The following WFDC1 variants were observed in gnomAD, a reference collection of about 807,000 sequenced individuals.
The protein encoded by WFDC1 is WAP four-disulfide core domain protein 1.
A neutral mutation model predicts 32.9 loss-of-function variants in WFDC1; 39 were observed. The observed-to-expected ratio is 1.19, with a 90% CI of 0.92 to 1.55. The LOEUF (loss-of-function observed/expected upper bound fraction) is 1.55. WFDC1 is among the 40% of genes most tolerant of loss of function. WFDC1 has a pLI of 0.00. For missense variants in WFDC1, 386 were observed against 309.5 expected, an observed-to-expected ratio of 1.25 and a Z score of -1.85; for synonymous variants, 184 against 137.4, an observed-to-expected ratio of 1.34 and a Z score of -2.37.
chr16:84,297,511 G>A (rs554201313), intron 1 of WFDC1, among the ~76,000 whole-genome samples: 76 of 150,264 alleles, frequency 5.1e-4, no homozygotes, highest in Non-Finnish European at 9.9e-4. Flanking sequence ...CAGCTACTCA[G>A]AAGGCTGAGG....
chr16:84,319,349 G>A (rs113682927), intron 3 of WFDC1, 82 bp from the exon 4 acceptor site: 45 of 1,550,798 alleles, frequency 2.9e-5, no homozygotes, highest in African/African-American at 5.4e-5. Flanking sequence ...CACCCGTCCC[G>A]GGAGTCTGCC....
intron 1 of WFDC1, among the ~76,000 whole-genome samples, chr16:84,308,128 G>GC (rs901194387): frequency 2.7e-4 from 41 of 152,156 alleles, no homozygotes; most frequent in Admixed American, 5.9e-4. Context: ...GGGGCCAGGG[G>GC]CCCCCCTCCC....
chr16:84,296,777 T>G (rs1906622358), intron 1 of WFDC1: 1 of 152,190 alleles, frequency 6.6e-6, no homozygotes. Flanking sequence ...AGACCTTGAC[T>G]GGATCTTGGG....
chr16:84,300,000 C>G (rs190584114), intron 1 of WFDC1, among the ~76,000 whole-genome samples: 296 of 152,364 alleles, frequency 1.9e-3, no homozygotes, highest in African/African-American at 6.2e-3. Context: ...CCTCAGTTCC[C>G]CATCTCCTTT....
chr16:84,307,672 C>CGAAAAATAAGCTGGGCG (rs1567654543), intron 1 of WFDC1, among the ~76,000 whole-genome samples: 1 of 152,114 alleles, frequency 6.6e-6, no homozygotes, highest in Non-Finnish European at 1.5e-5. Flanking sequence ...GAGGCTTCAT[C>CGAAAAATAAGCTGGGCG]GAAAAATAAG....
rs780437975 is a variant in WFDC1, at chr16:84,319,577, T to C, written c.562+6T>C. The C allele has an allele frequency of 6.2e-7, 1 of 1,611,296 alleles. No individual in the cohort carries two copies. Among genetic ancestry groups the C allele is most frequent in the South Asian group, 1.1e-5 (1 of 91,030 alleles). Reference sequence around the variant, plus strand: ...CAAGCAGCGCCGGCAAGCAGGTGAGTGTGGCACCCCAGCCCTGATCCTGGC... The same window carrying C: ...CAAGCAGCGCCGGCAAGCAGGTGAGCGTGGCACCCCAGCCCTGATCCTGGC... On this transcript the variant is annotated splice_donor_region_variant and intron_variant, in intron 4 of 6. Transcript: ENST00000219454.
At chr16:84,322,917 T>A (rs750065376) in intron 4 of WFDC1, among the ~76,000 whole-genome samples, 4 of 152,208 alleles carry the variant, frequency 2.6e-5, no homozygotes, top group Non-Finnish European at 4.4e-5. Context: ...TTGTCTAGCC[T>A]TGAGTGGGAG....
At chr16:84,310,857 T>A (rs909396697) in intron 1 of WFDC1, among the ~76,000 whole-genome samples, 2 of 152,188 alleles carry the variant, frequency 1.3e-5, no homozygotes, top group Non-Finnish European at 2.9e-5. Context: ...CTATTCCAAT[T>A]TGCAGATATG....
At position 84,318,507 on chromosome 16, in the gene WFDC1, C is replaced by G. The variant is rs953053414; in HGVS notation, c.421+152C>G. ...CCCTCTTTGATCCTCCCCACCCCAG[C>G]GAAGAAGGGCTGATGGCTGGGGGCT... On this transcript the variant is annotated intron_variant, in intron 3 of 6. Transcript: ENST00000219454. 8.4e-6 allele frequency: 6 copies of G among 716,036 alleles called. No homozygotes were observed. The East Asian group carries it at 1.1e-4, about 13-fold the overall frequency. 44.4% of individuals were successfully genotyped at this position (716,036 alleles called of 1,614,324 possible). A position where few individuals can be genotyped will look rare whatever the true frequency, so the allele number is the denominator to read the frequency against.
chr16:84,307,870 G>A (rs1907357808), intron 1 of WFDC1, among the ~76,000 whole-genome samples: 1 of 152,178 alleles, frequency 6.6e-6, no homozygotes, highest in African/African-American at 2.4e-5. Flanking sequence ...TGCACCTGCT[G>A]CGGCTGGAAA....
chr16:84,300,860 C>G (rs1260147774), intron 1 of WFDC1, among the ~76,000 whole-genome samples: 1 of 152,092 alleles, frequency 6.6e-6, no homozygotes, highest in East Asian at 1.9e-4. Context: ...ATCACAGCTA[C>G]TCAGGAGGCT....
intron 1 of WFDC1, chr16:84,295,370 C>A: frequency 2.0e-6 from 1 of 503,874 alleles, no homozygotes; most frequent in Non-Finnish European, 3.5e-6. Flanking sequence ...CTTACTTTTG[C>A]CTTGTTACAA....
intron 4 of WFDC1, among the ~76,000 whole-genome samples, chr16:84,323,459 G>A (rs1908419768): frequency 6.6e-6 from 1 of 152,190 alleles, no homozygotes; most frequent in Non-Finnish European, 1.5e-5. Context: ...CATGGGGTGG[G>A]TAGCACGGCT....
intron 1 of WFDC1, among the ~76,000 whole-genome samples, chr16:84,297,880 A>T (rs1223353663): frequency 6.6e-6 from 1 of 152,080 alleles, no homozygotes; most frequent in Non-Finnish European, 1.5e-5. Context: ...CTTACGGATG[A>T]TAGGAAGCAG....
intron 1 of WFDC1, among the ~76,000 whole-genome samples, chr16:84,306,337 A>G (rs1375124608): frequency 6.6e-6 from 1 of 152,160 alleles, no homozygotes; most frequent in Non-Finnish European, 1.5e-5. Flanking sequence ...ATCTTGGGAT[A>G]TGGCTCCTAA....
intron 4 of WFDC1, among the ~76,000 whole-genome samples, chr16:84,319,776 C>G (rs1211726484): frequency 6.6e-6 from 1 of 152,164 alleles, no homozygotes; most frequent in Non-Finnish European, 1.5e-5. Context: ...GTGACCGAAG[C>G]TCTTGAGCCA....
chr16:84,308,856 C>T (rs1025648540), intron 1 of WFDC1, among the ~76,000 whole-genome samples: 2 of 150,754 alleles, frequency 1.3e-5, no homozygotes, highest in Non-Finnish European at 3.0e-5. Context: ...TAGATGCCAG[C>T]CTGGGTGTAG....
rs1232169309 is a variant in WFDC1, at chr16:84,326,703, A to T, written c.605-179A>T. The T allele has an allele frequency of 6.2e-6, 4 of 640,772 alleles. No homozygotes were observed. In the African/African-American group the frequency reaches 7.2e-5, roughly 12 times the overall value. The allele number at this position is 640,772 out of a possible 1,614,324, so 39.7% of individuals were successfully genotyped here. ...AAACATAGACAGAGCTGGTGACACC[A>T]GCTGGGGGGCCTGGGGAGGGAGAGG... On this transcript the variant is annotated intron_variant, in intron 5 of 6. Coordinates refer to ENST00000219454, the MANE Select transcript of WFDC1 (RefSeq NM_021197.4).
chr16:84,309,819 GCATGTGTGTGTGCGTGCGTGTGTA>G (rs922400501), intron 1 of WFDC1, among the ~76,000 whole-genome samples: 1 of 150,556 alleles, frequency 6.6e-6, no homozygotes, highest in African/African-American at 2.5e-5. Flanking sequence ...TTTCTTGTGT[GCATGTGTGTGTGCGTGCGTGTGTA>G]CATGTGTGTG....
Sources: allele counts gnomAD v4.1 joint callset (sites outside exome capture counted in the v4.1 genomes callset), GRCh38; gene constraint gnomAD v4.1.1; transcripts MANE v1.5; gene names NCBI Gene and HGNC (gene_info 2026-07-23, HGNC 2026-07-21).